The following TNKS variants were observed in gnomAD, a reference collection of about 807,000 sequenced individuals.
The protein encoded by TNKS is poly [ADP-ribose] polymerase tankyrase-1.
Under a neutral mutation model 135.8 loss-of-function variants are expected in TNKS, and 72 were observed. The observed-to-expected ratio is 0.53, with a 90% CI of 0.44 to 0.64. The LOEUF (loss-of-function observed/expected upper bound fraction) is 0.64. Among genes scored for constraint, TNKS ranks in the 30% least tolerant of loss-of-function variants. The pLI, the probability that TNKS is intolerant of heterozygous loss-of-function variation, is 0.00. For missense variants in TNKS, 1,769 were observed against 1,674.0 expected (o/e 1.06, Z -0.99); for synonymous variants, 849 against 649.3 (o/e 1.31, Z -4.68).
intron 1 of TNKS, chr8:9,558,502 G>T (rs1797181289): frequency 1.3e-5 from 2 of 152,056 alleles, no homozygotes. Flanking sequence ...TTAACAAATT[G>T]CGTCACAAAT....
At chr8:9,628,463 A>G (rs1800152547) in intron 3 of TNKS, among the ~76,000 whole-genome samples, 1 of 150,942 alleles carries the variant, frequency 6.6e-6, no homozygotes, top group African/African-American at 2.4e-5. Context: ...ATTTATTACA[A>G]CTTCCTTTTT....
intron 2 of TNKS, among the ~76,000 whole-genome samples, chr8:9,592,765 C>G (rs550684108): frequency 1.3e-5 from 2 of 152,242 alleles, no homozygotes; most frequent in South Asian, 4.1e-4. Context: ...TTATATTACT[C>G]TGTGTTACAT....
intron 23 of TNKS, among the ~76,000 whole-genome samples, chr8:9,765,148 C>A (rs1048892765): frequency 9.2e-5 from 14 of 152,186 alleles, no homozygotes; most frequent in African/African-American, 3.4e-4. Flanking sequence ...GATCTTCAAT[C>A]TAATTGAACC....
At chr8:9,648,222 T>A (rs1023260013) in intron 3 of TNKS, among the ~76,000 whole-genome samples, 1 of 152,042 alleles carries the variant, frequency 6.6e-6, no homozygotes, top group Admixed American at 6.6e-5. Flanking sequence ...TTTAAAAAAA[T>A]TTTTTTTCTT....
chr8:9,651,021 A>G (rs986561725), intron 3 of TNKS, among the ~76,000 whole-genome samples: 15 of 139,630 alleles, frequency 1.1e-4, no homozygotes, highest in African/African-American at 3.5e-4. Context: ...ATCCAGTTTC[A>G]TTCTTTACAT....
At chr8:9,607,048 CTT>C (rs1191560252) in intron 2 of TNKS, among the ~76,000 whole-genome samples, 3 of 152,104 alleles carry the variant, frequency 2.0e-5, no homozygotes, top group Non-Finnish European at 2.9e-5. Flanking sequence ...TGTTTAGTCT[CTT>C]TTTGCATTCT....
chr8:9,724,289 A>T (rs1447363146), intron 12 of TNKS, among the ~76,000 whole-genome samples: 2 of 152,138 alleles, frequency 1.3e-5, no homozygotes, highest in Admixed American at 1.3e-4. Flanking sequence ...GTCTCTACTT[A>T]AAAATTTTTA....
intron 3 of TNKS, among the ~76,000 whole-genome samples, chr8:9,624,298 C>G (rs947902405): frequency 2.6e-5 from 4 of 152,076 alleles, no homozygotes; most frequent in African/African-American, 9.7e-5. Flanking sequence ...TTAAATGGTT[C>G]TTTAAAATAT....
At chr8:9,569,059 C>T (rs557249247) in intron 1 of TNKS, among the ~76,000 whole-genome samples, 1 of 152,224 alleles carries the variant, frequency 6.6e-6, no homozygotes, top group East Asian at 1.9e-4. Context: ...AATATTGCCA[C>T]TAATCTCATC....
chr8:9,730,677 A>G (rs553530202), intron 13 of TNKS, among the ~76,000 whole-genome samples: 3 of 152,242 alleles, frequency 2.0e-5, no homozygotes, highest in Non-Finnish European at 4.4e-5. Flanking sequence ...GTTGAAAAAC[A>G]TTAATTTGCT....
intron 13 of TNKS, among the ~76,000 whole-genome samples, chr8:9,726,981 G>C (rs1429041718): frequency 1.3e-5 from 2 of 152,070 alleles, no homozygotes; most frequent in African/African-American, 4.8e-5. Flanking sequence ...CATATACATG[G>C]TTTTTAGTAA....
At chr8:9,767,534 G>A (rs1490523557) in intron 25 of TNKS, among the ~76,000 whole-genome samples, 6 of 152,190 alleles carry the variant, frequency 3.9e-5, no homozygotes, top group African/African-American at 1.4e-4. Context: ...CCTTGAAATT[G>A]TGATTATTGA....
intron 3 of TNKS, 194 bp from the exon 4 acceptor site, chr8:9,679,757 C>G: frequency 3.9e-6 from 2 of 510,464 alleles, no homozygotes; most frequent in South Asian, 6.1e-5. Flanking sequence ...GAAGCTGCGT[C>G]AATTTGCTGC....
chr8:9,704,108 C>G (rs1803942484), intron 5 of TNKS, among the ~76,000 whole-genome samples: 1 of 152,170 alleles, frequency 6.6e-6, no homozygotes, highest in Non-Finnish European at 1.5e-5. Context: ...TTAGTTTTGA[C>G]CATTACTAGC....
At chr8:9,682,328 C>T (rs1802817212) in intron 5 of TNKS, among the ~76,000 whole-genome samples, 1 of 152,050 alleles carries the variant, frequency 6.6e-6, no homozygotes, top group African/African-American at 2.4e-5. Flanking sequence ...GCCTCGTTTT[C>T]CCTTCCTTAC....
intron 5 of TNKS, among the ~76,000 whole-genome samples, chr8:9,685,564 C>G (rs1264916534): frequency 6.6e-6 from 1 of 152,104 alleles, no homozygotes; most frequent in Non-Finnish European, 1.5e-5. Flanking sequence ...CTTAAATGTC[C>G]TTATTGTCCA....
intron 1 of TNKS, among the ~76,000 whole-genome samples, chr8:9,574,199 G>C (rs1797859452): frequency 6.6e-6 from 1 of 152,060 alleles, no homozygotes; most frequent in Non-Finnish European, 1.5e-5. Context: ...AACTGTTTGG[G>C]GAAAGAATGT....
chr8:9,628,205 A>C (rs1386028658), intron 3 of TNKS, among the ~76,000 whole-genome samples: 2 of 151,674 alleles, frequency 1.3e-5, no homozygotes, highest in African/African-American at 2.4e-5. Context: ...TTCTTACACC[A>C]CTCTTTAGTC....
chr8:9,623,396 A>G (rs1016483239), intron 3 of TNKS, among the ~76,000 whole-genome samples: 4 of 151,528 alleles, frequency 2.6e-5, no homozygotes, highest in Non-Finnish European at 5.9e-5. Flanking sequence ...GTTTCAGACC[A>G]CTATGAAGAA....
Sources: gnomAD v4.1 joint callset for allele counts (sites outside exome capture counted in the v4.1 genomes callset) on GRCh38, gnomAD v4.1.1 for gene constraint, MANE v1.5 for transcripts, NCBI Gene and HGNC (gene_info 2026-07-23, HGNC 2026-07-21) for gene names.